YLPM1: variants seen among roughly 807,000 people sequenced by gnomAD.
YLPM1 encodes the protein YLP motif containing 1.
A neutral mutation model predicts 230.0 loss-of-function variants in YLPM1; 99 were observed. The observed-to-expected ratio is 0.43, with a 90% confidence interval of 0.37 to 0.51. YLPM1 has a LOEUF of 0.51. Among genes scored for constraint, YLPM1 ranks in the 20% least tolerant of loss-of-function variants. The pLI is 0.00. For missense variants in YLPM1, 2,592 were observed against 2,707.7 expected (o/e 0.96, Z 0.95); for synonymous variants, 984 against 942.5 (o/e 1.04, Z -0.81).
chr14:74,826,820 C>T (rs2091566675), intron 18 of YLPM1, among the ~76,000 whole-genome samples: 1 of 152,192 alleles, frequency 6.6e-6, no homozygotes, highest in Non-Finnish European at 1.5e-5. Context: ...TTGTTACTTG[C>T]CACATCAGGT....
chr14:74,817,606 A>G (rs539371693), intron 15 of YLPM1, among the ~76,000 whole-genome samples: 2 of 152,340 alleles, frequency 1.3e-5, no homozygotes, highest in East Asian at 1.9e-4. Flanking sequence ...CCCATTGCTA[A>G]GTGATGTGTG....
At position 74,782,224 on chromosome 14, in the gene YLPM1, A is replaced by G; in HGVS notation, c.2181A>G (p.Pro727=). The change falls in exon 4 of 21, where the codon CCA becomes CCG. Residue 727 remains proline (P), a synonymous_variant. Transcript: ENST00000325680. ...DQGLGESSAA[P]SQPITAVKDM... is the part of the protein sequence containing the mutation. ...GACTTGGGGAGTCTTCAGCTGCTCC[A>G]TCTCAGCCAATCACTGCAGTGAAGG... 6.2e-6 allele frequency: 10 copies of G among 1,601,386 alleles called. No individual in the cohort carries two copies. Among genetic ancestry groups the G allele is most frequent in the Non-Finnish European group, 8.5e-6 (10 of 1,179,204 alleles).
intron 11 of YLPM1, among the ~76,000 whole-genome samples, chr14:74,813,079 A>C (rs546780763): frequency 2.6e-5 from 4 of 152,200 alleles, no homozygotes; most frequent in African/African-American, 7.2e-5. Context: ...TGGTGTGTGG[A>C]ATAGAAAGGG....
At chr14:74,809,245 T>C in intron 6 of YLPM1, 135 bp from the exon 7 acceptor site, 2 of 1,237,414 alleles carry the variant, frequency 1.6e-6, no homozygotes, top group Non-Finnish European at 2.1e-6. Flanking sequence ...ATGGTATGTT[T>C]TGAAGCACGA....
At chr14:74,808,924 C>G (rs2091406497) in intron 6 of YLPM1, among the ~76,000 whole-genome samples, 1 of 152,082 alleles carries the variant, frequency 6.6e-6, no homozygotes, top group Non-Finnish European at 1.5e-5. Flanking sequence ...TATATCCTTG[C>G]CATCATTTGT....
intron 1 of YLPM1, among the ~76,000 whole-genome samples, chr14:74,772,936 A>G (rs1355830229): frequency 2.0e-5 from 3 of 152,186 alleles, no homozygotes; most frequent in Non-Finnish European, 4.4e-5. Flanking sequence ...GCTGAAGCCT[A>G]CCATAGGATT....
In YLPM1 at chr14:74,799,130, A is replaced by G; in HGVS notation, c.3833A>G (p.Tyr1278Cys). The G allele has an allele frequency of 1.2e-6, 2 of 1,613,934 alleles. No homozygotes were observed. The highest frequency in any genetic ancestry group is 2.2e-5 in the South Asian group (2 of 91,064). ...WERDQDMDED[Y>C]NREMERDMDR... is the part of the protein sequence containing the mutation. ...AGAGACCAGGATATGGATGAGGACT[A>G]CAATAGGGAAATGGAAAGGGACATG... The change falls in exon 5 of 21, where the codon TAC becomes TGC. Residue 1278 changes from tyrosine (Y) to cysteine (C), a missense_variant. Tyr to Cys is a radical substitution (Grantham distance 194). Transcript: ENST00000325680.
chr14:74,816,790 C>G, intron 13 of YLPM1, 100 bp downstream of exon 13: 2 of 1,465,042 alleles, frequency 1.4e-6, no homozygotes, highest in Non-Finnish European at 1.8e-6. Context: ...AGGGACCTCT[C>G]TCTTTTCCGA....
chr14:74,792,817 T>A (rs992999125), intron 4 of YLPM1, among the ~76,000 whole-genome samples: 2 of 152,228 alleles, frequency 1.3e-5, no homozygotes, highest in East Asian at 3.8e-4. Flanking sequence ...GTTTATCGAA[T>A]CTCATGGCTT....
intron 4 of YLPM1, 119 bp downstream of exon 4, chr14:74,782,444 AT>A: frequency 8.4e-7 from 1 of 1,192,680 alleles, no homozygotes. Flanking sequence ...CTTTGTACTT[AT>A]ATTGTCTGCT....
intron 4 of YLPM1, among the ~76,000 whole-genome samples, chr14:74,786,647 A>G (rs2091153197): frequency 6.6e-6 from 1 of 152,222 alleles, no homozygotes; most frequent in Non-Finnish European, 1.5e-5. Flanking sequence ...CCTGTACAAT[A>G]GTTCATTGTA....
chr14:74,765,288 C>T (rs1350381522), intron 1 of YLPM1, among the ~76,000 whole-genome samples: 3 of 152,114 alleles, frequency 2.0e-5, no homozygotes, highest in South Asian at 4.1e-4. Flanking sequence ...ACTAATTTAC[C>T]TTAGATTCAC....
rs74566256 is a variant in YLPM1, at chr14:74,780,542, A to G, written c.1248A>G (p.Leu416=). Residue 416 remains leucine, a synonymous_variant, in exon 3 of 21, where the codon CTA becomes CTG. Transcript: ENST00000325680. ...MQKHTQLQQI[L]QQYQQIIQPP... Reference sequence around the variant, plus strand: ...AGCACACTCAGTTACAGCAGATTCTACAACAGTATCAGCAGATTATACAGC... The same window carrying G: ...AGCACACTCAGTTACAGCAGATTCTGCAACAGTATCAGCAGATTATACAGC... 463 of 1,613,992 alleles carry G rather than the reference A, an allele frequency of 2.9e-4. 3 individuals carry two copies. The East Asian group carries it at 9.9e-3, about 35-fold the overall frequency.
intron 1 of YLPM1, among the ~76,000 whole-genome samples, chr14:74,767,584 G>A (rs199856958): frequency 6.6e-6 from 1 of 152,314 alleles, no homozygotes; most frequent in East Asian, 1.9e-4. Context: ...GCCAGTGGCA[G>A]CCCCCAGTCC....
At chr14:74,776,153 C>T (rs1234236572) in intron 1 of YLPM1, among the ~76,000 whole-genome samples, 1 of 152,016 alleles carries the variant, frequency 6.6e-6, no homozygotes, top group Non-Finnish European at 1.5e-5. Flanking sequence ...GGTGAGATTT[C>T]TTTTATTGAT....
intron 11 of YLPM1, among the ~76,000 whole-genome samples, chr14:74,813,374 C>T (rs1281217363): frequency 6.6e-6 from 1 of 151,658 alleles, no homozygotes; most frequent in Non-Finnish European, 1.5e-5. Context: ...CTATTTGTAT[C>T]TTTTAATGTA....
At chr14:74,780,262 A>T (rs2091079940) in intron 2 of YLPM1, 143 bp from the exon 3 acceptor site, 1 of 1,011,474 alleles carries the variant, frequency 9.9e-7, no homozygotes, top group East Asian at 2.7e-5. Flanking sequence ...AGCTGTTCTC[A>T]ATCCAAAAAG....
intron 5 of YLPM1, 56 bp from the exon 6 acceptor site, chr14:74,802,500 A>G: frequency 6.5e-7 from 1 of 1,532,318 alleles, no homozygotes; most frequent in Non-Finnish European, 8.7e-7. Flanking sequence ...AATTGTAGTC[A>G]CTTAGGAATG....
chr14:74,801,484 G>A (rs777364679), intron 5 of YLPM1, among the ~76,000 whole-genome samples: 5 of 152,000 alleles, frequency 3.3e-5, no homozygotes, highest in Admixed American at 2.0e-4. Context: ...AAGGAATTTC[G>A]TCAGTTTAAA....
Sources: gnomAD v4.1 joint callset for allele counts (sites outside exome capture counted in the v4.1 genomes callset) on GRCh38, gnomAD v4.1.1 for gene constraint, MANE v1.5 for transcripts, NCBI Gene and HGNC (gene_info 2026-07-23, HGNC 2026-07-21) for gene names.